The following CNTN5 variants were observed in gnomAD, a reference collection of about 807,000 sequenced individuals.
The protein encoded by CNTN5 is contactin-5.
Under a neutral mutation model 129.1 loss-of-function variants are expected in CNTN5, and 77 were observed. The ratio of observed to expected loss-of-function variants is 0.60; its 90% CI spans 0.50 to 0.72. The LOEUF (loss-of-function observed/expected upper bound fraction) is 0.72, where lower values mean the gene tolerates loss of function less well. CNTN5 is among the 30% of genes least tolerant of loss of function. The pLI is 0.00. For missense variants in CNTN5, 1,478 were observed against 1,328.8 expected (o/e 1.11, Z -1.75); for synonymous variants, 509 against 465.6 (o/e 1.09, Z -1.20).
chr11:100,332,082 C>T (rs11537172), intron 21 of CNTN5, among the ~76,000 whole-genome samples: 17,773 of 151,784 alleles, frequency 0.12, 1,156 homozygotes, highest in Middle Eastern at 0.17. Flanking sequence ...ATCGATAGAC[C>T]ATTAGCATGA....
intron 8 of CNTN5, among the ~76,000 whole-genome samples, chr11:99,999,030 T>A (rs1337005215): frequency 6.6e-6 from 1 of 152,074 alleles, no homozygotes; most frequent in Non-Finnish European, 1.5e-5. Flanking sequence ...TACTTAAACG[T>A]TAGACCTAAA....
chr11:99,146,189 A>C lies in CNTN5; in HGVS notation c.-210+124919A>C, dbSNP rs1314283229. Among the ~76,000 whole-genome samples the C allele has an allele frequency of 2.6e-5, 4 of 152,176 alleles. No homozygotes were observed. In the East Asian group the frequency reaches 7.7e-4, roughly 29 times the overall value. On this transcript the variant is annotated intron_variant, in intron 1 of 24. Transcript: ENST00000524871. ...TATACTATTTGTATTATATTTAGCC[A>C]GTATTCCCTTCTCCAAAAGAGGATT...
intron 1 of CNTN5, among the ~76,000 whole-genome samples, chr11:99,045,840 G>T (rs1485531728): frequency 1.3e-5 from 2 of 152,292 alleles, no homozygotes; most frequent in East Asian, 3.9e-4. Flanking sequence ...TAACATGGAT[G>T]TAAAACTACT....
intron 9 of CNTN5, among the ~76,000 whole-genome samples, chr11:100,048,677 G>A (rs1942810005): frequency 2.0e-5 from 3 of 151,784 alleles, no homozygotes; most frequent in African/African-American, 7.3e-5. Context: ...TAGATAAAGA[G>A]AAGTAAAATG....
At chr11:99,174,390 A>AT (rs1857677258) in intron 1 of CNTN5, among the ~76,000 whole-genome samples, 1 of 152,176 alleles carries the variant, frequency 6.6e-6, no homozygotes, top group Non-Finnish European at 1.5e-5. Flanking sequence ...GATAAAGACT[A>AT]TTATAAGATA....
intron 6 of CNTN5, among the ~76,000 whole-genome samples, chr11:99,867,246 G>T (rs1324254753): frequency 6.6e-6 from 1 of 152,070 alleles, no homozygotes; most frequent in Non-Finnish European, 1.5e-5. Context: ...TTTTCACATA[G>T]GAAAGAAGCA....
intron 1 of CNTN5, among the ~76,000 whole-genome samples, chr11:99,297,638 T>C (rs567239071): frequency 6.6e-6 from 1 of 152,282 alleles, no homozygotes; most frequent in African/African-American, 2.4e-5. Flanking sequence ...CCGGGCCTAA[T>C]GAATAAACCA....
intron 3 of CNTN5, among the ~76,000 whole-genome samples, chr11:99,741,604 A>G (rs1248690662): frequency 1.3e-5 from 2 of 152,272 alleles, no homozygotes; most frequent in East Asian, 3.9e-4. Context: ...CACTTACTTA[A>G]CTGTTCAATG....
chr11:99,669,774 GT>G (rs1194681370), intron 3 of CNTN5, among the ~76,000 whole-genome samples: 15 of 152,160 alleles, frequency 9.9e-5, no homozygotes, highest in African/African-American at 3.6e-4. Flanking sequence ...TTTAATGAAG[GT>G]TTGTCCCTAA....
Position 99,528,640 on chromosome 11 carries a change from C to G in CNTN5, c.-70-27505C>G, listed in dbSNP as rs143294146. 5.5e-3 allele frequency among the ~76,000 whole-genome samples: 833 copies of G among 152,342 alleles called. 6 individuals carry two copies. The highest frequency in any genetic ancestry group is 0.034 in the Middle Eastern group (10 of 294). ...TATTAAGGAAGCTTCAGTGTTTTCA[C>G]TTTGAGAACCAGAGAAGCTGATGGT... On this transcript the variant is annotated intron_variant, in intron 2 of 24. Transcript: ENST00000524871.
At chr11:99,320,889 G>A (rs1163720829) in intron 1 of CNTN5, among the ~76,000 whole-genome samples, 2 of 152,090 alleles carry the variant, frequency 1.3e-5, no homozygotes, top group Non-Finnish European at 2.9e-5. Flanking sequence ...AGTTAACCGT[G>A]TAAAGTAGAT....
At chr11:99,388,330 G>A (rs113820808) in intron 2 of CNTN5, among the ~76,000 whole-genome samples, 4,303 of 146,070 alleles carry the variant, frequency 0.029, 199 homozygotes, top group African/African-American at 0.1. Context: ...CAGGAAAATT[G>A]TTTGAACCAA....
At chr11:99,347,280 A>G (rs1196645162) in intron 2 of CNTN5, among the ~76,000 whole-genome samples, 3 of 152,180 alleles carry the variant, frequency 2.0e-5, no homozygotes, top group Admixed American at 6.5e-5. Context: ...TTGTGTTTCT[A>G]TACTAGCACA....
Position 99,741,890 on chromosome 11 carries a change from C to T in CNTN5, c.56-77654C>T, listed in dbSNP as rs923224694. Reference sequence around the variant, plus strand: ...ATGTGAACAGTTTTGCATAAATATGCCCAGTAAGGTTGTAAGTACTAATTT... The same window carrying T: ...ATGTGAACAGTTTTGCATAAATATGTCCAGTAAGGTTGTAAGTACTAATTT... On this transcript the variant is annotated intron_variant, in intron 3 of 24. Coordinates refer to ENST00000524871, the MANE Select transcript of CNTN5 (RefSeq NM_014361.4). Among the ~76,000 whole-genome samples the T allele has an allele frequency of 7.9e-5, 12 of 152,058 alleles. No individual in the cohort carries two copies. In the South Asian group the frequency reaches 1.5e-3, roughly 18 times the overall value.
intron 8 of CNTN5, among the ~76,000 whole-genome samples, chr11:99,981,269 G>C (rs1243284336): frequency 6.6e-6 from 1 of 151,890 alleles, no homozygotes; most frequent in Non-Finnish European, 1.5e-5. Context: ...GGAAGCTGAT[G>C]GTGTAACTCC....
intron 3 of CNTN5, among the ~76,000 whole-genome samples, chr11:99,624,955 A>G (rs1951077314): frequency 6.6e-6 from 1 of 152,160 alleles, no homozygotes; most frequent in Non-Finnish European, 1.5e-5. Context: ...TGTTTGTTTC[A>G]CTTGACGTGA....
chr11:99,482,875 CA>C (rs934018090), intron 2 of CNTN5, among the ~76,000 whole-genome samples: 1 of 148,638 alleles, frequency 6.7e-6, no homozygotes, highest in Non-Finnish European at 1.5e-5. Context: ...TAAATATTTG[CA>C]AAAAAACACG....
intron 1 of CNTN5, among the ~76,000 whole-genome samples, chr11:99,060,292 T>A (rs150692986): frequency 3.4e-3 from 520 of 152,014 alleles, no homozygotes; most frequent in Middle Eastern, 6.9e-3. Flanking sequence ...TGAAGAAAAA[T>A]ACAATAAAAA....
At chr11:99,722,809 AT>A (rs1943217138) in intron 3 of CNTN5, among the ~76,000 whole-genome samples, 2 of 151,774 alleles carry the variant, frequency 1.3e-5, no homozygotes, top group African/African-American at 4.8e-5. Context: ...TATAGCCCAT[AT>A]GGGTTATATA....
Sources: allele counts gnomAD v4.1 joint callset (sites outside exome capture counted in the v4.1 genomes callset), GRCh38; gene constraint gnomAD v4.1.1; transcripts MANE v1.5; gene names NCBI Gene and HGNC (gene_info 2026-07-23, HGNC 2026-07-21).